Variants in TMCO5A observed in about 807,000 individuals in gnomAD.
The protein encoded by TMCO5A is transmembrane and coiled-coil domains 5A, also known as transmembrane and coiled-coil domain-containing protein 5A.
A neutral mutation model predicts 42.3 loss-of-function variants in TMCO5A; 34 were observed. That is an observed-to-expected ratio of 0.80 (90% CI 0.61 to 1.07). The LOEUF (loss-of-function observed/expected upper bound fraction) is 1.07, where lower values mean the gene tolerates loss of function less well. Ranked by LOEUF, TMCO5A falls within the 50% of genes least tolerant of loss-of-function variation. The pLI, the probability that TMCO5A is intolerant of heterozygous loss-of-function variation, is 0.00. For synonymous variants in TMCO5A, 131 were observed against 115.6 expected, an observed-to-expected ratio of 1.13 and a Z score of -0.86; for missense variants, 357 against 327.9, an observed-to-expected ratio of 1.09 and a Z score of -0.69.
At chr15:37,978,368 G>A in the TMCO5A span, among the ~76,000 whole-genome samples, 1 of 152,200 alleles carries the variant, frequency 6.6e-6, no homozygotes, top group Non-Finnish European at 1.5e-5. Context: ...CTCAGAGCTC[G>A]GTCCTAGGGA....
the TMCO5A span, among the ~76,000 whole-genome samples, chr15:38,034,181 T>C: frequency 2.0e-5 from 3 of 152,138 alleles, no homozygotes; most frequent in African/African-American, 7.2e-5. Context: ...TCCAGCTCTT[T>C]TATAAAGTCA....
At chr15:38,012,603 T>C in the TMCO5A span, among the ~76,000 whole-genome samples, 1 of 151,984 alleles carries the variant, frequency 6.6e-6, no homozygotes, top group South Asian at 2.1e-4. Flanking sequence ...TATGATTAGT[T>C]CTCAAATACA....
downstream of TMCO5A, among the ~76,000 whole-genome samples, chr15:37,952,878 T>C (rs777354410): frequency 6.6e-6 from 1 of 152,194 alleles, no homozygotes; most frequent in Non-Finnish European, 1.5e-5. Context: ...ACAAGCTAAC[T>C]GAAGAGCCTT....
At chr15:37,977,585 T>C in the TMCO5A span, among the ~76,000 whole-genome samples, 1 of 152,318 alleles carries the variant, frequency 6.6e-6, no homozygotes, top group African/African-American at 2.4e-5. Context: ...CTGTATTTCC[T>C]TGTGTTTGCA....
chr15:37,982,374 C>T, the TMCO5A span, among the ~76,000 whole-genome samples: 1 of 148,092 alleles, frequency 6.8e-6, no homozygotes, highest in East Asian at 1.9e-4. Flanking sequence ...TCCACAATGC[C>T]ACATATATTA....
chr15:38,037,125 C>T, the TMCO5A span, among the ~76,000 whole-genome samples: 2 of 152,116 alleles, frequency 1.3e-5, no homozygotes, highest in Non-Finnish European at 1.5e-5. Flanking sequence ...GAAATACCAG[C>T]GAGGTGTTAA....
chr15:38,033,341 A>G, the TMCO5A span, among the ~76,000 whole-genome samples: 1 of 152,216 alleles, frequency 6.6e-6, no homozygotes, highest in African/African-American at 2.4e-5. Flanking sequence ...TTACATTTGT[A>G]TAGAACATTT....
the TMCO5A span, chr15:38,020,654 A>C: frequency 2.6e-5 from 4 of 152,228 alleles, no homozygotes; most frequent in Non-Finnish European, 5.9e-5. Context: ...TATGCTAATT[A>C]GCTTAATTAT....
At chr15:37,978,935 G>A in the TMCO5A span, among the ~76,000 whole-genome samples, 30,916 of 151,498 alleles carry the variant, frequency 0.2, 6,556 homozygotes, top group African/African-American at 0.55. Context: ...GACCAAGGTG[G>A]GTCGAGGGGC....
chr15:37,980,601 C>T, the TMCO5A span, among the ~76,000 whole-genome samples: 1,095 of 129,910 alleles, frequency 8.4e-3, 20 homozygotes, highest in African/African-American at 0.03. Flanking sequence ...TCTGTGAGAG[C>T]GGCGCACACC....
At chr15:37,976,374 T>C in the TMCO5A span, among the ~76,000 whole-genome samples, 1 of 152,198 alleles carries the variant, frequency 6.6e-6, no homozygotes, top group African/African-American at 2.4e-5. Context: ...AATCTGATTA[T>C]TGTGTGTCTT....
chr15:38,031,325 T>C, the TMCO5A span, among the ~76,000 whole-genome samples: 123 of 152,274 alleles, frequency 8.1e-4, no homozygotes, highest in African/African-American at 2.9e-3. Flanking sequence ...GCCTCCAAGA[T>C]GGCCCCCAAT....
chr15:38,023,157 C>T, the TMCO5A span, among the ~76,000 whole-genome samples: 8 of 152,070 alleles, frequency 5.3e-5, no homozygotes, highest in South Asian at 2.1e-4. Flanking sequence ...CAACAGTAAT[C>T]GAAGCAGTGT....
chr15:38,036,496 TCACACACA>T, the TMCO5A span, among the ~76,000 whole-genome samples: 113 of 63,542 alleles, frequency 1.8e-3, no homozygotes, highest in East Asian at 0.029. Context: ...TCTCTCTCTC[TCACACACA>T]CACACACACA....
At chr15:37,959,067 A>T (rs1390140351) in intron 11 of TMCO5A, among the ~76,000 whole-genome samples, 1 of 151,992 alleles carries the variant, frequency 6.6e-6, no homozygotes, top group African/African-American at 2.4e-5. Flanking sequence ...GGAGTTGAAC[A>T]AGAGAACACA....
the TMCO5A span, among the ~76,000 whole-genome samples, chr15:37,991,243 A>G: frequency 2.0e-4 from 31 of 152,120 alleles, no homozygotes; most frequent in Non-Finnish European, 4.3e-4. Flanking sequence ...TCAAGTGCAT[A>G]TGGAACATTT....
the TMCO5A span, among the ~76,000 whole-genome samples, chr15:38,000,524 G>T: frequency 6.6e-6 from 1 of 151,642 alleles, no homozygotes; most frequent in Non-Finnish European, 1.5e-5. Flanking sequence ...TTTCTGTTAA[G>T]ATTTTTATTA....
chr15:37,937,427 C>A, intron 5 of TMCO5A, 31 bp downstream of exon 5: 3 of 1,611,474 alleles, frequency 1.9e-6, no homozygotes, highest in Non-Finnish European at 2.5e-6. Flanking sequence ...TCTCCAGTGC[C>A]CCCACAACAG....
downstream of TMCO5A, among the ~76,000 whole-genome samples, chr15:37,972,527 G>A (rs1890694708): frequency 1.3e-5 from 2 of 152,166 alleles, no homozygotes; most frequent in Admixed American, 6.5e-5. Context: ...ACATTTCTCT[G>A]ATGATTAGTG....
Sources: gnomAD v4.1 joint callset for allele counts (sites outside exome capture counted in the v4.1 genomes callset) on GRCh38, gnomAD v4.1.1 for gene constraint, MANE v1.5 for transcripts, NCBI Gene and HGNC (gene_info 2026-07-23, HGNC 2026-07-21) for gene names.